The following SEMA3E variants were observed in gnomAD, a reference collection of about 807,000 sequenced individuals.
The protein encoded by SEMA3E is semaphorin-3E.
A neutral mutation model predicts 93.6 loss-of-function variants in SEMA3E; 49 were observed. That is an observed-to-expected ratio of 0.52 (90% confidence interval 0.42 to 0.66). The LOEUF (loss-of-function observed/expected upper bound fraction) is 0.66, where lower values mean the gene tolerates loss of function less well. Among genes scored for constraint, SEMA3E ranks in the 30% least tolerant of loss-of-function variants. The pLI is 0.00. For missense variants in SEMA3E, 906 were observed against 964.8 expected (o/e 0.94, Z 0.81); for synonymous variants, 363 against 330.7 (o/e 1.10, Z -1.06).
chr7:83,405,577 G>C, intron 8 of SEMA3E, 58 bp from the exon 9 acceptor site: 1 of 1,423,978 alleles, frequency 7.0e-7, no homozygotes, highest in Non-Finnish European at 9.9e-7. Flanking sequence ...TGCATGCAAA[G>C]AAAATTTATT....
chr7:83,611,279 T>TA (rs1793249918), intron 1 of SEMA3E, among the ~76,000 whole-genome samples: 1 of 143,872 alleles, frequency 7.0e-6, no homozygotes, highest in Admixed American at 7.2e-5. Flanking sequence ...AATTTATATA[T>TA]TATATATTAA....
chr7:83,405,794 C>T (rs932487893), intron 8 of SEMA3E, 151 bp downstream of exon 8: 8 of 701,226 alleles, frequency 1.1e-5, no homozygotes, highest in Non-Finnish European at 1.7e-5. Flanking sequence ...CCCCAGCATG[C>T]GTGCCTGGCC....
intron 1 of SEMA3E, among the ~76,000 whole-genome samples, chr7:83,569,608 GT>G (rs961454935): frequency 2.0e-5 from 3 of 152,136 alleles, no homozygotes; most frequent in African/African-American, 7.2e-5. Context: ...TAAAGTAGAT[GT>G]TAACCAACAA....
intron 1 of SEMA3E, among the ~76,000 whole-genome samples, chr7:83,547,283 G>C (rs1289699949): frequency 6.6e-6 from 1 of 152,032 alleles, no homozygotes; most frequent in Non-Finnish European, 1.5e-5. Flanking sequence ...CAGTTGATGG[G>C]ACTTCATATT....
chr7:83,539,893 GTGTT>G (rs1213016935), intron 1 of SEMA3E, among the ~76,000 whole-genome samples: 1 of 151,198 alleles, frequency 6.6e-6, no homozygotes, highest in Non-Finnish European at 1.5e-5. Context: ...GTGTGTGTGT[GTGTT>G]TGAAGTGGAG....
At chr7:83,432,487 C>T (rs899661215) in intron 4 of SEMA3E, among the ~76,000 whole-genome samples, 1 of 152,004 alleles carries the variant, frequency 6.6e-6, no homozygotes, top group Admixed American at 6.6e-5. Context: ...ATGGTATAAC[C>T]TGTGGAAAAT....
At chr7:83,452,012 T>C (rs1789370341) in intron 4 of SEMA3E, among the ~76,000 whole-genome samples, 1 of 152,200 alleles carries the variant, frequency 6.6e-6, no homozygotes, top group African/African-American at 2.4e-5. Context: ...AGCCTCAGGA[T>C]TAACAGTTGA....
chr7:83,421,756 T>A (rs1162309635), intron 4 of SEMA3E, among the ~76,000 whole-genome samples: 1 of 142,100 alleles, frequency 7.0e-6, no homozygotes, highest in African/African-American at 2.5e-5. Flanking sequence ...CTATTCTTAT[T>A]TAGCACCCTT....
intron 1 of SEMA3E, among the ~76,000 whole-genome samples, chr7:83,600,096 T>C (rs1341858090): frequency 6.6e-6 from 1 of 152,166 alleles, no homozygotes; most frequent in Non-Finnish European, 1.5e-5. Flanking sequence ...CTCTCATCCT[T>C]CCATTAAATA....
At chr7:83,467,755 T>C (rs1304370307) in intron 3 of SEMA3E, among the ~76,000 whole-genome samples, 1 of 152,226 alleles carries the variant, frequency 6.6e-6, no homozygotes, top group East Asian at 1.9e-4. Flanking sequence ...GGTATTCAAC[T>C]CTAAGCTTCT....
chr7:83,551,118 A>G (rs947652096), intron 1 of SEMA3E, among the ~76,000 whole-genome samples: 2 of 152,142 alleles, frequency 1.3e-5, no homozygotes, highest in African/African-American at 4.8e-5. Context: ...AAAGTGTGGC[A>G]TTATCTAAAC....
chr7:83,414,098 A>G (rs373468751), intron 5 of SEMA3E, among the ~76,000 whole-genome samples: 81 of 152,290 alleles, frequency 5.3e-4, no homozygotes, highest in East Asian at 2.7e-3. Flanking sequence ...GAAATTATAG[A>G]TATTCTTTAG....
intron 2 of SEMA3E, among the ~76,000 whole-genome samples, chr7:83,488,426 G>C (rs896238994): frequency 6.6e-6 from 1 of 152,118 alleles, no homozygotes; most frequent in African/African-American, 2.4e-5. Flanking sequence ...ACATGGGTGA[G>C]AGACAGGTTA....
intron 1 of SEMA3E, among the ~76,000 whole-genome samples, chr7:83,617,520 AT>A (rs1447988822): frequency 3.4e-5 from 5 of 146,228 alleles, no homozygotes; most frequent in African/African-American, 7.4e-5. Flanking sequence ...ATAATATATA[AT>A]TTTATATAAA....
At chr7:83,617,444 A>AAAATTTATATAAATAATATAT (rs1793393997) in intron 1 of SEMA3E, among the ~76,000 whole-genome samples, 2 of 99,820 alleles carry the variant, frequency 2.0e-5, no homozygotes, top group Admixed American at 2.2e-4. Flanking sequence ...AATTTTATAT[A>AAAATTTATATAAATAATATAT]AATTTTATAT....
At chr7:83,644,899 C>T (rs1360188472) in intron 1 of SEMA3E, among the ~76,000 whole-genome samples, 1 of 151,962 alleles carries the variant, frequency 6.6e-6, no homozygotes, top group Non-Finnish European at 1.5e-5. Flanking sequence ...ACCAACTATT[C>T]TAGGAGAACA....
chr7:83,557,257 G>T (rs1791916662), intron 1 of SEMA3E, among the ~76,000 whole-genome samples: 1 of 151,468 alleles, frequency 6.6e-6, no homozygotes, highest in Non-Finnish European at 1.5e-5. Flanking sequence ...GCATTAAAAT[G>T]AACCTTACTA....
chr7:83,458,801 G>A (rs1389476840), intron 4 of SEMA3E, among the ~76,000 whole-genome samples: 3 of 150,408 alleles, frequency 2.0e-5, no homozygotes, highest in Non-Finnish European at 3.0e-5. Context: ...AATGAACTGT[G>A]TGTCTTAGAT....
intron 4 of SEMA3E, among the ~76,000 whole-genome samples, chr7:83,436,595 A>G (rs1789009843): frequency 6.6e-6 from 1 of 152,160 alleles, no homozygotes. Context: ...CAACAGAGAA[A>G]CTTCAGGAAC....
Sources: allele counts gnomAD v4.1 joint callset (sites outside exome capture counted in the v4.1 genomes callset), GRCh38; gene constraint gnomAD v4.1.1; transcripts MANE v1.5; gene names NCBI Gene and HGNC (gene_info 2026-07-23, HGNC 2026-07-21).